Variants in SMPX observed in about 807,000 individuals in gnomAD.
SMPX encodes small muscular protein.
SMPX carries 2 observed loss-of-function variants against 6.3 expected under a neutral mutation model. The ratio of observed to expected loss-of-function variants is 0.32; its 90% CI spans 0.13 to 0.99. The LOEUF is 0.99. SMPX is among the 50% of genes least tolerant of loss of function. The pLI, the probability that SMPX is intolerant of heterozygous loss-of-function variation, is 0.49. For synonymous variants in SMPX, 32 were observed against 24.7 expected, an observed-to-expected ratio of 1.30 and a Z score of -0.88; for missense variants, 60 against 66.8, an observed-to-expected ratio of 0.90 and a Z score of 0.36.
chrX:21,752,499 T>TTTTG (rs770632022), intron 2 of SMPX, among the ~76,000 whole-genome samples: 47 of 111,126 alleles, frequency 4.2e-4, no homozygotes, highest in African/African-American at 9.5e-4. Context: ...TATGCTGTTT[T>TTTTG]TTTGTTTGTT....
chrX:21,725,959 G>A (rs2092796469), intron 4 of SMPX, among the ~76,000 whole-genome samples: 1 of 111,936 alleles, frequency 8.9e-6, no homozygotes, highest in Admixed American at 9.5e-5. Context: ...AGGGCAGAAG[G>A]TATGGGCAGA....
At chrX:21,733,891 C>T (rs2092807750) in intron 4 of SMPX, 1 of 234,174 alleles carries the variant, frequency 4.3e-6, no homozygotes, top group African/African-American at 2.9e-5. Flanking sequence ...ATACCCTGGA[C>T]ACTCCATTTG....
chrX:21,752,015 A>G (rs2092827905), intron 2 of SMPX, among the ~76,000 whole-genome samples: 1 of 112,549 alleles, frequency 8.9e-6, no homozygotes. Context: ...TTGAAGGTGC[A>G]TTAAATTGGG....
At chrX:21,728,121 A>G (rs1325407079) in intron 4 of SMPX, among the ~76,000 whole-genome samples, 1 of 109,820 alleles carries the variant, frequency 9.1e-6, no homozygotes, top group East Asian at 2.9e-4. Flanking sequence ...TTTTGTCAGC[A>G]CTGGGCAAAG....
At chrX:21,746,492 C>T in intron 2 of SMPX, among the ~76,000 whole-genome samples, 1 of 111,342 alleles carries the variant, frequency 9.0e-6, no homozygotes, top group Non-Finnish European at 1.9e-5. Flanking sequence ...TGGAGACTTA[C>T]ACTTTGAGAG....
chrX:21,741,685 G>C (rs1190008198), intron 3 of SMPX, among the ~76,000 whole-genome samples: 1 of 111,216 alleles, frequency 9.0e-6, no homozygotes, highest in Non-Finnish European at 1.9e-5. Flanking sequence ...ACCATCACTA[G>C]CTCCACCCTT....
intron 4 of SMPX, among the ~76,000 whole-genome samples, chrX:21,707,250 A>G (rs904497852): frequency 1.1e-4 from 12 of 110,895 alleles, no homozygotes; most frequent in Non-Finnish European, 2.3e-4. Flanking sequence ...GTTCATCATT[A>G]GTATAATTTT....
intron 2 of SMPX, among the ~76,000 whole-genome samples, chrX:21,748,834 CA>C (rs781193625): frequency 8.9e-6 from 1 of 112,478 alleles, no homozygotes; most frequent in East Asian, 2.8e-4. Context: ...CATGTGTGAT[CA>C]TTATGATTTT....
chrX:21,747,887 T>C (rs1009298123), intron 2 of SMPX, among the ~76,000 whole-genome samples: 1 of 111,757 alleles, frequency 8.9e-6, no homozygotes, highest in Admixed American at 9.5e-5. Flanking sequence ...CCTGCCAGAA[T>C]CTATAGCCTC....
Position 21,731,685 on chromosome X carries a change from TAC to T in SMPX, c.*14+5862_*14+5863del, listed in dbSNP as rs1320316885. On this transcript the variant is annotated intron_variant, in intron 4 of 4. Coordinates refer to ENST00000379494, the MANE Select transcript of SMPX (RefSeq NM_014332.3). ...ATGTGTATGTGTACACATTAATGTGTACATGTACACATAAATGTGTATATGTG... is the reference window on the plus strand; with the variant it reads ...ATGTGTATGTGTACACATTAATGTGTATGTACACATAAATGTGTATATGTG... Among the ~76,000 whole-genome samples the T allele has an allele frequency of 2.1e-3, 155 of 74,246 alleles. 1 individual carries two copies. Among genetic ancestry groups the T allele is most frequent in the Non-Finnish European group, 2.6e-3 (105 of 40,956 alleles). The allele number at this position is 74,246 out of a possible 115,157, so 64.5% of individuals were successfully genotyped here.
intron 4 of SMPX, among the ~76,000 whole-genome samples, chrX:21,709,918 G>A (rs935512564): frequency 6.3e-5 from 7 of 111,971 alleles, no homozygotes; most frequent in African/African-American, 2.0e-4. Flanking sequence ...TTTATGAGGT[G>A]TGATTTCTCT....
intron 4 of SMPX, among the ~76,000 whole-genome samples, chrX:21,732,431 C>T (rs1020256735): frequency 9.0e-6 from 1 of 111,729 alleles, no homozygotes; most frequent in African/African-American, 3.3e-5. Context: ...ACAATGTTAA[C>T]TATGGACCTT....
chrX:21,757,682 C>G (rs777804898), intron 1 of SMPX, among the ~76,000 whole-genome samples: 1 of 111,829 alleles, frequency 8.9e-6, no homozygotes, highest in South Asian at 3.8e-4. Flanking sequence ...GTTATCATTT[C>G]TAGACTGTGG....
chrX:21,748,431 T>G, intron 2 of SMPX, among the ~76,000 whole-genome samples: 1 of 112,199 alleles, frequency 8.9e-6, no homozygotes, highest in African/African-American at 3.2e-5. Context: ...ATTTCAAGAA[T>G]GTACTGTACG....
rs181817944 is a variant in SMPX at position 21,748,339 on chromosome X, G to T, written c.46-4503C>A. 6.3e-5 allele frequency among the ~76,000 whole-genome samples: 7 copies of T among 111,594 alleles called. No individual in the cohort carries two copies. In the East Asian group the frequency reaches 2.0e-3, roughly 31 times the overall value. The stretch of plus-strand genomic sequence containing the variant: ...TCATATTGAAAATGTTTTTATTTTT[G>T]CTCTGTTCTCAACACTTTTTTGTTC... On this transcript the variant is annotated intron_variant, in intron 2 of 4. Transcript: ENST00000379494.
At chrX:21,733,901 G>T in intron 4 of SMPX, 1 of 216,651 alleles carries the variant, frequency 4.6e-6, no homozygotes, top group Admixed American at 6.1e-5. Context: ...CACTCCATTT[G>T]TCCAGAGGTG....
At chrX:21,711,516 C>G (rs978654320) in intron 4 of SMPX, among the ~76,000 whole-genome samples, 1 of 111,977 alleles carries the variant, frequency 8.9e-6, no homozygotes, top group African/African-American at 3.3e-5. Context: ...AGCAAAACCT[C>G]TAGTTTACAT....
chrX:21,734,693 G>T (rs1441842986), intron 4 of SMPX, among the ~76,000 whole-genome samples: 1 of 111,289 alleles, frequency 9.0e-6, no homozygotes, highest in Non-Finnish European at 1.9e-5. Context: ...ATATTGCCTG[G>T]TCTGGTTCCG....
At chrX:21,743,324 G>A (rs2092817932) in intron 3 of SMPX, among the ~76,000 whole-genome samples, 1 of 111,314 alleles carries the variant, frequency 9.0e-6, no homozygotes, top group South Asian at 3.7e-4. Flanking sequence ...TGCTGAGTTG[G>A]ATAAAAGATC....
Sources: allele counts gnomAD v4.1 joint callset (sites outside exome capture counted in the v4.1 genomes callset), GRCh38; gene constraint gnomAD v4.1.1; transcripts MANE v1.5; gene names NCBI Gene and HGNC (gene_info 2026-07-23, HGNC 2026-07-21).